MFSD6: variants seen among roughly 807,000 people sequenced by gnomAD.
MFSD6 encodes major facilitator superfamily domain containing 6.
In MFSD6, 26 loss-of-function variants were observed where a neutral mutation model predicts 56.3. That is an observed-to-expected ratio of 0.46 (90% CI 0.34 to 0.64). MFSD6 has a LOEUF of 0.64. Among genes scored for constraint, MFSD6 ranks in the 30% least tolerant of loss-of-function variants. The pLI, the probability that MFSD6 is intolerant of heterozygous loss-of-function variation, is 0.01. For synonymous variants in MFSD6, 331 were observed against 366.9 expected (o/e 0.90, Z 1.12); for missense variants, 750 against 986.2 (o/e 0.76, Z 3.21).
intron 3 of MFSD6, chr2:190,453,949 T>C (rs1291996256): frequency 6.6e-6 from 1 of 152,218 alleles, no homozygotes; most frequent in Non-Finnish European, 1.5e-5. Flanking sequence ...GAAATGCTAC[T>C]GGTAACTGGA....
rs1052857644 is a variant in MFSD6 at position 190,485,677 on chromosome 2, T to C, written c.1631-2980T>C. Among the ~76,000 whole-genome samples, 1 of 152,178 alleles carries C rather than the reference T, an allele frequency of 6.6e-6. No homozygotes were observed. On this transcript the variant is annotated intron_variant, in intron 4 of 7. Coordinates refer to ENST00000392328, the MANE Select transcript of MFSD6 (RefSeq NM_017694.4). The surrounding 1 kb of genome is among the most constrained non-coding windows in gnomAD (Gnocchi z 5.1). ...TTAAGACTATCCAGGCATTATTCAATTCTGAGAAAGCTGGCATTATCTAGG... is the reference window on the plus strand; with the variant it reads ...TTAAGACTATCCAGGCATTATTCAACTCTGAGAAAGCTGGCATTATCTAGG...
In MFSD6 at chr2:190,467,320, G is replaced by C. The variant is rs1193437377; in HGVS notation, c.1533-2438G>C. On this transcript the variant is annotated intron_variant, in intron 3 of 7. Coordinates refer to ENST00000392328, the MANE Select transcript of MFSD6 (RefSeq NM_017694.4). This position sits in a 1 kb window ranked among gnomAD's most constrained non-coding sequence, Gnocchi z 5.5. ...GTTACCATGGTAAATCTGATGTCCA[G>C]CCAAGGTTAAGAATTAAGGAGCTGG... 1.3e-5 allele frequency among the ~76,000 whole-genome samples: 2 copies of C among 152,264 alleles called. No homozygotes were observed. The highest frequency in any genetic ancestry group is 6.5e-5 in the Admixed American group (1 of 15,290).
At chr2:190,452,545 A>C (rs1323770170) in intron 3 of MFSD6, among the ~76,000 whole-genome samples, 2 of 152,214 alleles carry the variant, frequency 1.3e-5, no homozygotes, top group Non-Finnish European at 2.9e-5. Context: ...CATAGGATTT[A>C]AACCCCAAAG....
chr2:190,452,718 A>T (rs1232607042), intron 3 of MFSD6, among the ~76,000 whole-genome samples: 2 of 152,030 alleles, frequency 1.3e-5, no homozygotes, highest in Non-Finnish European at 2.9e-5. Context: ...CCACCCTCCT[A>T]TGTCTCTTCC....
At chr2:190,452,092 C>T (rs1216378738) in intron 3 of MFSD6, among the ~76,000 whole-genome samples, 2 of 150,836 alleles carry the variant, frequency 1.3e-5, no homozygotes, top group Non-Finnish European at 3.0e-5. Context: ...TTTTTTTCAG[C>T]AACTTCAAAA....
rs1025563828 is a variant in MFSD6, at chr2:190,465,028, T to C, written c.1533-4730T>C. On this transcript the variant is annotated intron_variant, in intron 3 of 7. Coordinates refer to ENST00000392328, the MANE Select transcript of MFSD6 (RefSeq NM_017694.4). This position sits in a 1 kb window ranked among gnomAD's most constrained non-coding sequence, Gnocchi z 4.6. ...TGACTCATAATTCATTGTATCTATA[T>C]CTTGAACACTCTTGAAAAAAATACC... The C allele has an allele frequency of 3.6e-5, 18 of 500,382 alleles. No individual in the cohort carries two copies. The highest frequency in any genetic ancestry group is 4.2e-5 in the Non-Finnish European group (16 of 385,538). 31.0% of individuals were successfully genotyped at this position (500,382 alleles called of 1,614,324 possible). A position where few individuals can be genotyped will look rare whatever the true frequency, so the allele number is the denominator to read the frequency against.
rs2125263609 is a variant in MFSD6 at position 190,495,910 on chromosome 2, C to T, written c.1892-1529C>T. 6.6e-6 allele frequency among the ~76,000 whole-genome samples: 1 copy of T among 152,138 alleles called. No homozygotes were observed. Among genetic ancestry groups the T allele is most frequent in the East Asian group, 1.9e-4 (1 of 5,190 alleles). On this transcript the variant is annotated intron_variant, in intron 6 of 7. Transcript: ENST00000392328. The surrounding 1 kb of genome is among the most constrained non-coding windows in gnomAD (Gnocchi z 4.7). ...ATTCTAGAAGATAACATCAGAAAAA[C>T]CCTTCTAGACATTGGCTTAGGCAGA...
At chr2:190,455,338 T>C (rs1053161026) in intron 3 of MFSD6, among the ~76,000 whole-genome samples, 45 of 152,346 alleles carry the variant, frequency 3.0e-4, no homozygotes, top group African/African-American at 1.1e-3. Flanking sequence ...TATTACAACA[T>C]CTTTGTGAAA....
rs972426955 is a variant in MFSD6 at position 190,467,863 on chromosome 2, A to G, written c.1533-1895A>G. 2.6e-5 allele frequency among the ~76,000 whole-genome samples: 4 copies of G among 152,218 alleles called. No homozygotes were observed. Among genetic ancestry groups the G allele is most frequent in the Admixed American group, 2.0e-4 (3 of 15,282 alleles). On this transcript the variant is annotated intron_variant, in intron 3 of 7. Coordinates refer to ENST00000392328, the MANE Select transcript of MFSD6 (RefSeq NM_017694.4). The surrounding 1 kb of genome is among the most constrained non-coding windows in gnomAD (Gnocchi z 5.5). ...AACATGGCCATGCTCATTCATTTAC[A>G]TATTGCCTGTGGCTGCTTTCATGCT...
rs1389866897 is a variant in MFSD6 at position 190,456,284 on chromosome 2, T to C, written c.1533-13474T>C. 6.6e-6 allele frequency among the ~76,000 whole-genome samples: 1 copy of C among 152,090 alleles called. No individual in the cohort carries two copies. Among genetic ancestry groups the C allele is most frequent in the Non-Finnish European group, 1.5e-5 (1 of 68,012 alleles). The stretch of plus-strand genomic sequence containing the variant: ...ACTTGAAAAATCCATGACTTAAATT[T>C]CACTTCAGACAGAGAAGGTGTTTAG... On this transcript the variant is annotated intron_variant, in intron 3 of 7. Coordinates refer to ENST00000392328, the MANE Select transcript of MFSD6 (RefSeq NM_017694.4). The surrounding 1 kb of genome is among the most constrained non-coding windows in gnomAD (Gnocchi z 5.4).
chr2:190,468,340 C>A (rs1401044352), intron 3 of MFSD6, among the ~76,000 whole-genome samples: 1 of 151,910 alleles, frequency 6.6e-6, no homozygotes, highest in Non-Finnish European at 1.5e-5. Flanking sequence ...TCTTTTTTGT[C>A]TTTTCTTCAT....
intron 4 of MFSD6, among the ~76,000 whole-genome samples, chr2:190,479,913 A>G (rs1195274114): frequency 6.6e-6 from 1 of 152,172 alleles, no homozygotes; most frequent in East Asian, 1.9e-4. Context: ...ATAAAGCGTT[A>G]TTCTGTTTGT....
chr2:190,411,776 T>C, intron 1 of MFSD6: 11 of 985,418 alleles, frequency 1.1e-5, no homozygotes, highest in Non-Finnish European at 1.3e-5. Context: ...GCTTTTACTT[T>C]TTCTAATAGT....
chr2:190,411,731 T>C (rs111271578), intron 1 of MFSD6: 48 of 985,232 alleles, frequency 4.9e-5, no homozygotes, highest in African/African-American at 1.6e-4. Context: ...ATACTGAGAA[T>C]TGGGGGGCAA....
rs1356242159 is a variant in MFSD6 at position 190,458,364 on chromosome 2, C to G, written c.1533-11394C>G. On this transcript the variant is annotated intron_variant, in intron 3 of 7. Coordinates refer to ENST00000392328, the MANE Select transcript of MFSD6 (RefSeq NM_017694.4). The surrounding 1 kb of genome is among the most constrained non-coding windows in gnomAD (Gnocchi z 5.3). ...AAGAGATTGGGGCCACAGATAGGCA[C>G]AAGGGAAGATAGGCGATGACACAGG... Among the ~76,000 whole-genome samples, 1 of 152,062 alleles carries G rather than the reference C, an allele frequency of 6.6e-6. No homozygotes were observed. The highest frequency in any genetic ancestry group is 1.5e-5 in the Non-Finnish European group (1 of 68,012).
At position 190,491,626 on chromosome 2, in the gene MFSD6, G is replaced by A. The variant is rs1689360134; in HGVS notation, c.1891+1760G>A. Among the ~76,000 whole-genome samples, 1 of 152,218 alleles carries A rather than the reference G, an allele frequency of 6.6e-6. No individual in the cohort carries two copies. The highest frequency in any genetic ancestry group is 1.5e-5 in the Non-Finnish European group (1 of 68,032). ...GAAAACAGGGAGAGTACTACATCAA[G>A]GGAACACCCTGTGGGACAAAAGAAT... On this transcript the variant is annotated intron_variant, in intron 6 of 7. Transcript: ENST00000392328. The surrounding 1 kb of genome is among the most constrained non-coding windows in gnomAD (Gnocchi z 4.2).
chr2:190,410,888 T>C lies in MFSD6; in HGVS notation c.-176+2385T>C, dbSNP rs1690532467. Among the ~76,000 whole-genome samples the C allele has an allele frequency of 1.3e-5, 2 of 151,918 alleles. No homozygotes were observed. Among genetic ancestry groups the C allele is most frequent in the South Asian group, 4.2e-4 (2 of 4,798 alleles). On this transcript the variant is annotated intron_variant, in intron 1 of 7. Transcript: ENST00000392328. The surrounding 1 kb of genome is among the most constrained non-coding windows in gnomAD (Gnocchi z 4.4). ...CTGGCCAAGATGGTGAAATCCCACC[T>C]GTAATAAAAATACAAAAATTAGCTG...
rs1685741227 is a variant in MFSD6, at chr2:190,424,917, A to G, written c.-54+9504A>G. On this transcript the variant is annotated intron_variant, in intron 2 of 7. Transcript: ENST00000392328. This position sits in a 1 kb window ranked among gnomAD's most constrained non-coding sequence, Gnocchi z 5.9. Reference sequence around the variant, plus strand: ...AAATTTTAAAATCTTGTCTATATCTACAAAAATATGTTGCTGAGATTTTGA... The same window carrying G: ...AAATTTTAAAATCTTGTCTATATCTGCAAAAATATGTTGCTGAGATTTTGA... 1.3e-5 allele frequency among the ~76,000 whole-genome samples: 2 copies of G among 152,184 alleles called. No individual in the cohort carries two copies. The highest frequency in any genetic ancestry group is 4.8e-5 in the African/African-American group (2 of 41,440).
At chr2:190,411,906 T>C (rs1690579861) in intron 1 of MFSD6, 25 of 985,296 alleles carry the variant, frequency 2.5e-5, no homozygotes, top group South Asian at 4.7e-5. Flanking sequence ...GTCTTGCTAG[T>C]GGTGGCTGTC....
Sources: allele counts gnomAD v4.1 joint callset (sites outside exome capture counted in the v4.1 genomes callset), GRCh38; gene constraint gnomAD v4.1.1; non-coding constraint Gnocchi (gnomAD v3.1); transcripts MANE v1.5; gene names NCBI Gene and HGNC (gene_info 2026-07-23, HGNC 2026-07-21).